The following LTBP3 variants were observed in gnomAD, a reference collection of about 807,000 sequenced individuals.
LTBP3 encodes the protein latent transforming growth factor beta binding protein 3.
A neutral mutation model predicts 159.7 loss-of-function variants in LTBP3; 97 were observed. That is an observed-to-expected ratio of 0.61 (90% confidence interval 0.52 to 0.72). The LOEUF is 0.72. Among genes scored for constraint, LTBP3 ranks in the 30% least tolerant of loss-of-function variants. LTBP3 has a pLI of 0.00. For synonymous variants in LTBP3, 824 were observed against 777.1 expected (o/e 1.06, Z -1.00); for missense variants, 1,584 against 1,864.3 (o/e 0.85, Z 2.77).
At chr11:65,545,817 C>T (rs1856338963) in intron 16 of LTBP3, 1 of 188,944 alleles carries the variant, frequency 5.3e-6, no homozygotes, top group South Asian at 1.9e-4. Flanking sequence ...CTTAGGGGGC[C>T]CTCCAAGGGA....
chr11:65,557,199 G>A (rs748447584), intron 1 of LTBP3, among the ~76,000 whole-genome samples: 2 of 152,110 alleles, frequency 1.3e-5, no homozygotes, highest in Non-Finnish European at 2.9e-5. Context: ...TACTCTGGCA[G>A]GCCCTACTTT....
Position 65,551,159 on chromosome 11 carries a change from T to G in LTBP3, c.1687A>C (p.Ser563Arg). 6.4e-7 allele frequency: 1 copy of G among 1,553,828 alleles called. No homozygotes were observed. The highest frequency in any genetic ancestry group is 8.7e-7 in the Non-Finnish European group (1 of 1,148,910). The stretch of plus-strand genomic sequence containing the variant: ...TGAGTGGGAGCGATCTCTACGGCGC[T>G]GCGGGAAGGAGGCAAGTCCGGCAGG... Reference protein sequence around the residue: ...WFLPDLPPSRSAVEIAPTQVT... With the variant: ...WFLPDLPPSRRAVEIAPTQVT... The change falls in exon 11 of 28, where the codon AGC becomes CGC. Residue 563 changes from serine to arginine, a missense_variant. Physicochemically the swap from Ser to Arg is moderately radical, Grantham distance 110 (BLOSUM62 -1). This residue lies in a region of LTBP3 where 565 missense variants were observed against 677.7 expected (regional missense o/e 0.83). Transcript: ENST00000301873.
In LTBP3 at chr11:65,551,615, T is replaced by A. The variant is rs1338944165; in HGVS notation, c.1532-51A>T. 2.5e-6 allele frequency: 4 copies of A among 1,611,328 alleles called. No homozygotes were observed. The South Asian group carries it at 3.3e-5, about 13-fold the overall frequency. ...GAAGTGTTGGGGCGGGAGAAGGGAG[T>A]CAGATCTGGGATCAGCAGCTGAGTA... On this transcript the variant is annotated intron_variant, in intron 8 of 27. Transcript: ENST00000301873.
rs1358057744 is a variant in LTBP3, at chr11:65,539,352, C to T, written c.3736G>A (p.Asp1246Asn). The change falls in exon 27 of 28, where the codon GAC becomes AAC. Residue 1246 changes from aspartate to asparagine, a missense_variant. Transcript: ENST00000301873. Reference protein sequence around the residue: ...VCECPGGFQLDASRARCVDID... With the variant: ...VCECPGGFQLNASRARCVDID... ...CCCACGCAGCGGGCGCGGGAGGCGTCGAGCTGGAAGCCGCCGGGACACTCG... is the reference window on the plus strand; with the variant it reads ...CCCACGCAGCGGGCGCGGGAGGCGTTGAGCTGGAAGCCGCCGGGACACTCG... 1 of 1,530,988 alleles carries T rather than the reference C, an allele frequency of 6.5e-7. No homozygotes were observed. The highest frequency in any genetic ancestry group is 8.8e-7 in the Non-Finnish European group (1 of 1,137,052). The allele number at this position is 1,530,988 out of a possible 1,614,324, so 94.8% of individuals were successfully genotyped here.
chr11:65,553,757 GC>G lies in LTBP3; in HGVS notation c.807del (p.Pro270ArgfsTer118). 1 of 1,574,810 alleles carries G rather than the reference GC, an allele frequency of 6.3e-7. No individual in the cohort carries two copies. The highest frequency in any genetic ancestry group is 8.6e-7 in the Non-Finnish European group (1 of 1,168,248). ...LLPHPKPSHP[R>X]PPTQKPLGRC... is the part of the protein sequence containing the mutation. The stretch of plus-strand genomic sequence containing the variant: ...CGGCCCAGGGGCTTCTGGGTGGGCG[GC>G]CGGGGGTGCGAGGGCTTGGGGTGCG... On this transcript the variant is annotated frameshift_variant, in exon 3 of 28. Coordinates refer to ENST00000301873, the MANE Select transcript of LTBP3 (RefSeq NM_001130144.3). LOFTEE classifies it high-confidence loss of function. The surrounding 1 kb of genome is among the most constrained non-coding windows in gnomAD (Gnocchi z 6.5).
Position 65,539,931 on chromosome 11 carries a change from C to T in LTBP3, c.3386-50G>A, listed in dbSNP as rs11227217. 290,642 of 1,473,432 alleles carry T rather than the reference C, an allele frequency of 0.2. 29,777 individuals are homozygous for T. The highest frequency in any genetic ancestry group is 0.25 in the Middle Eastern group (1,243 of 5,018). 91.3% of individuals were successfully genotyped at this position (1,473,432 alleles called of 1,614,324 possible). On this transcript the variant is annotated intron_variant, in intron 24 of 27. Coordinates refer to ENST00000301873, the MANE Select transcript of LTBP3 (RefSeq NM_001130144.3). The stretch of plus-strand genomic sequence containing the variant: ...GGAGGGGCCCAAGGCAGGAACCGCC[C>T]GCCTCCGCCCCACCCCACCTGCGCG...
Position 65,539,466 on chromosome 11 carries a change from G to A in LTBP3, c.3629-7C>T. 1 of 1,573,058 alleles carries A rather than the reference G, an allele frequency of 6.4e-7. No homozygotes were observed. Among genetic ancestry groups the A allele is most frequent in the Non-Finnish European group, 8.6e-7 (1 of 1,159,200 alleles). The stretch of plus-strand genomic sequence containing the variant: ...TCCTCTGAACTGTCCTCATCTGCGT[G>A]GCCCGGAACAATATGGACTTCAACA... On this transcript the variant is annotated splice_region_variant and splice_polypyrimidine_tract_variant and intron_variant, in intron 26 of 27. Transcript: ENST00000301873.
chr11:65,547,646 G>C lies in LTBP3; in HGVS notation c.1978+44C>G, dbSNP rs1214033530. The C allele has an allele frequency of 1.2e-6, 2 of 1,607,670 alleles. No homozygotes were observed. The highest frequency in any genetic ancestry group is 1.7e-6 in the Non-Finnish European group (2 of 1,178,340). On this transcript the variant is annotated intron_variant, in intron 13 of 27. Transcript: ENST00000301873. This position sits in a 1 kb window ranked among gnomAD's most constrained non-coding sequence, Gnocchi z 4.6. The stretch of plus-strand genomic sequence containing the variant: ...AGGGATTACACGGCGGTCTGGAGGA[G>C]AGCCCGTCCCACCCAGGGCCGCCTC...
chr11:65,540,731 C>CTACAGGAGGGGCGGGGCG, intron 21 of LTBP3, 117 bp from the exon 22 acceptor site: 1 of 1,529,384 alleles, frequency 6.5e-7, no homozygotes, highest in Non-Finnish European at 8.9e-7. Flanking sequence ...GGGGCGGGGC[C>CTACAGGAGGGGCGGGGCG]TACAGGGCGG....
chr11:65,539,392 CG>C lies in LTBP3; in HGVS notation c.3695del (p.Pro1232ArgfsTer30). ...RCVSGRCVPRPGGAVCECPGG... is the reference protein window; with the variant it reads ...RCVSGRCVPRXGGAVCECPGG... Reference sequence around the variant, plus strand: ...CGGGACACTCGCACACGGCGCCGCCCGGCCGCGGCACGCAGCGGCCACTCAC... The same window carrying C: ...CGGGACACTCGCACACGGCGCCGCCCGCCGCGGCACGCAGCGGCCACTCAC... On this transcript the variant is annotated frameshift_variant, in exon 27 of 28. Coordinates refer to ENST00000301873, the MANE Select transcript of LTBP3 (RefSeq NM_001130144.3). LOFTEE classifies it high-confidence loss of function. 6.5e-7 allele frequency: 1 copy of C among 1,546,866 alleles called. No individual in the cohort carries two copies. The highest frequency in any genetic ancestry group is 8.7e-7 in the Non-Finnish European group (1 of 1,144,852).
chr11:65,553,725 AAAGC>A lies in LTBP3; in HGVS notation c.836_839del (p.Cys279PhefsTer108). On this transcript the variant is annotated frameshift_variant, in exon 3 of 28. Transcript: ENST00000301873. LOFTEE classifies it high-confidence loss of function. This position sits in a 1 kb window ranked among gnomAD's most constrained non-coding sequence, Gnocchi z 6.5. ...CCGGCTGCTTGGGCAGAGTGTCCTG[AAAGC>A]AGCGGCCCAGGGGCTTCTGGGTGGG... is the stretch of plus-strand genomic sequence containing the variant. 6.3e-7 allele frequency: 1 copy of A among 1,579,046 alleles called. No homozygotes were observed. Among genetic ancestry groups the A allele is most frequent in the Non-Finnish European group, 8.5e-7 (1 of 1,170,354 alleles).
chr11:65,553,036 G>A lies in LTBP3; in HGVS notation c.1064-54C>T. 6.2e-7 allele frequency: 1 copy of A among 1,613,698 alleles called. No individual in the cohort carries two copies. Among genetic ancestry groups the A allele is most frequent in the Non-Finnish European group, 8.5e-7 (1 of 1,179,708 alleles). Reference sequence around the variant, plus strand: ...GGTCTGGGGCCATGGGGTGACAGCAGGCTGCTCCAAGAACCTCAGGGTCTT... The same window carrying A: ...GGTCTGGGGCCATGGGGTGACAGCAAGCTGCTCCAAGAACCTCAGGGTCTT... On this transcript the variant is annotated intron_variant, in intron 5 of 27. Coordinates refer to ENST00000301873, the MANE Select transcript of LTBP3 (RefSeq NM_001130144.3). This position sits in a 1 kb window ranked among gnomAD's most constrained non-coding sequence, Gnocchi z 6.5.
At position 65,551,479 on chromosome 11, in the gene LTBP3, G is replaced by A. The variant is rs373224083; in HGVS notation, c.1549-5C>T. 1.9e-6 allele frequency: 3 copies of A among 1,613,918 alleles called. No homozygotes were observed. The highest frequency in any genetic ancestry group is 2.5e-6 in the Non-Finnish European group (3 of 1,180,022). The stretch of plus-strand genomic sequence containing the variant: ...TGACCTCTCCTCACTCACCGGCTGC[G>A]GGTGACAGCAGCATGAGCCCTCCTG... On this transcript the variant is annotated splice_polypyrimidine_tract_variant and splice_region_variant and intron_variant, in intron 9 of 27. Coordinates refer to ENST00000301873, the MANE Select transcript of LTBP3 (RefSeq NM_001130144.3).
rs1372139167 is a variant in LTBP3 at position 65,540,918 on chromosome 11, T to C, written c.2930A>G (p.Tyr977Cys). 1 of 1,613,464 alleles carries C rather than the reference T, an allele frequency of 6.2e-7. No individual in the cohort carries two copies. Among genetic ancestry groups the C allele is most frequent in the African/African-American group, 1.3e-5 (1 of 74,910 alleles). Residue 977 changes from tyrosine (Y) to cysteine (C), a missense_variant, in exon 21 of 28, where the codon TAC (tyrosine) becomes TGC (cysteine). Around this residue, in one of 6 missense-constraint regions of LTBP3, gnomAD observed 514 missense variants for 530.3 expected, o/e 0.97. Coordinates refer to ENST00000301873, the MANE Select transcript of LTBP3 (RefSeq NM_001130144.3). ...FHSLCPDGKG[Y>C]TQDNNIVNYG... ...GTTGACGATGTTGTTGTCCTGGGTG[T>C]AGCCCTTTCCGTCTGGGCAGAGGCT...
rs1281800282 is a variant in LTBP3, at chr11:65,540,313, C to G, written c.3176G>C (p.Arg1059Pro). ...GVCENTRGGY[R>P]CACTPPAEYS... ...CTCGGCAGGGGGCGTGCAGGCACAG[C>G]GGTAGCCGCCGCGCGTGTTCTCACA... The change falls in exon 23 of 28, where the codon CGC (arginine) becomes CCC (proline). Residue 1059 changes from arginine to proline, a missense_variant. By Grantham distance (103) the Arg-to-Pro change is moderately radical. Transcript: ENST00000301873. 1.3e-6 allele frequency: 2 copies of G among 1,569,044 alleles called. No homozygotes were observed. The highest frequency in any genetic ancestry group is 1.2e-5 in the South Asian group (1 of 85,660).
rs765801694 is a variant in LTBP3 at position 65,554,172 on chromosome 11, G to A, written c.540C>T (p.Ala180=). ...PPLAPEGDSV[A]SKHAIYAVQV... is the part of the protein sequence containing the mutation. ...GGACGGCGTAGATGGCGTGCTTGCT[G>A]GCCACAGAGTCGCCCTCCGGAGCCA... The change falls in exon 2 of 28, where the codon GCC becomes GCT. Residue 180 remains alanine (A), a synonymous_variant. Coordinates refer to ENST00000301873, the MANE Select transcript of LTBP3 (RefSeq NM_001130144.3). This position sits in a 1 kb window ranked among gnomAD's most constrained non-coding sequence, Gnocchi z 5.3. 5.6e-6 allele frequency: 9 copies of A among 1,611,920 alleles called. No homozygotes were observed. Among genetic ancestry groups the A allele is most frequent in the South Asian group, 2.2e-5 (2 of 91,078 alleles).
intron 8 of LTBP3, 163 bp from the exon 9 acceptor site, chr11:65,551,727 A>C: frequency 1.0e-6 from 1 of 968,406 alleles, no homozygotes; most frequent in Non-Finnish European, 1.6e-6. Flanking sequence ...GTGTGTTTGC[A>C]TAGTAGTCAC....
At chr11:65,556,005 T>C (rs1249154637) in intron 1 of LTBP3, among the ~76,000 whole-genome samples, 1 of 152,082 alleles carries the variant, frequency 6.6e-6, no homozygotes, top group African/African-American at 2.4e-5. Flanking sequence ...TCTTTTTCCT[T>C]TCTGCCAGTG....
In LTBP3 at chr11:65,539,576, G is replaced by A. The variant is rs768814259; in HGVS notation, c.3600C>T (p.Ser1200=). ...QSESNSFWDT[S]PLLLGKPPRD... The stretch of plus-strand genomic sequence containing the variant: ...TTGGGGGCTTCCCCAACAGCAGGGG[G>A]CTTGTGTCCCAGAAGGAATTGCTCT... Residue 1200 remains serine, a synonymous_variant, in exon 26 of 28, where the codon AGC becomes AGT. Transcript: ENST00000301873. 9 of 1,612,730 alleles carry A rather than the reference G, an allele frequency of 5.6e-6. No individual in the cohort carries two copies. The East Asian group carries it at 6.7e-5, about 12-fold the overall frequency.
Sources: gnomAD v4.1 joint callset for allele counts (sites outside exome capture counted in the v4.1 genomes callset) on GRCh38, gnomAD v4.1.1 for gene constraint, gnomAD v4.1.1 regional missense constraint, Gnocchi (gnomAD v3.1) non-coding constraint, MANE v1.5 for transcripts, NCBI Gene and HGNC (gene_info 2026-07-23, HGNC 2026-07-21) for gene names.